Variants in PJVK observed in about 807,000 individuals in gnomAD.
The protein encoded by PJVK is pejvakin.
Under a neutral mutation model 37.6 loss-of-function variants are expected in PJVK, and 33 were observed. The ratio of observed to expected loss-of-function variants is 0.88; its 90% CI spans 0.67 to 1.17. PJVK has a LOEUF of 1.17. Ranked by LOEUF, PJVK falls within the 50% of genes most tolerant of loss-of-function variation. The probability of loss-of-function intolerance (pLI) is 0.00; values close to 1 mark genes in which losing one functional copy is unlikely to be tolerated. For missense variants in PJVK, 410 were observed against 413.8 expected (o/e 0.99, Z 0.08); for synonymous variants, 141 against 143.5 (o/e 0.98, Z 0.13).
At chr2:178,457,720 A>C (rs966431445) in intron 4 of PJVK, among the ~76,000 whole-genome samples, 15 of 152,302 alleles carry the variant, frequency 9.8e-5, no homozygotes, top group Admixed American at 8.5e-4. Flanking sequence ...CTTCGCGTCC[A>C]ACCAGCAGTT....
rs764639006 is a variant in PJVK at position 178,461,208 on chromosome 2, T to C, written c.993T>C (p.Asp331=). The change falls in exon 7 of 7, where the codon GAT becomes GAC. Residue 331 remains aspartate, a synonymous_variant. Transcript: ENST00000644580. ...TVYGCFQCSV[D]GQKYVRLHAV... is the part of the protein sequence containing the mutation. The stretch of plus-strand genomic sequence containing the variant: ...ATGGGTGCTTTCAGTGTTCTGTTGA[T>C]GGTCAGAAGTATGTGAGACTTCATG... 1 of 1,614,194 alleles carries C rather than the reference T, an allele frequency of 6.2e-7. No homozygotes were observed. The highest frequency in any genetic ancestry group is 1.1e-5 in the South Asian group (1 of 91,088).
intron 3 of PJVK, chr2:178,455,282 C>A: frequency 7.1e-7 from 1 of 1,416,170 alleles, no homozygotes; most frequent in Non-Finnish European, 1.0e-6. Flanking sequence ...CAGTGAGACT[C>A]ACATCATGGT....
At position 178,460,982 on chromosome 2, in the gene PJVK, A is replaced by G. The variant is rs1221620795; in HGVS notation, c.767A>G (p.Asn256Ser). The change falls in exon 7 of 7, where the codon AAT (asparagine) becomes AGT (serine). Residue 256 changes from asparagine to serine, a missense_variant and splice_region_variant. Coordinates refer to ENST00000644580, the MANE Select transcript of PJVK (RefSeq NM_001042702.5). ...YRLRNILFER[N>S]RRVMDVISRS... ...TTCTTTTCTGTTTTTGTCCTTTTAGATAGAAGAGTGATGGATGTCATTTCT... is the reference window on the plus strand; with the variant it reads ...TTCTTTTCTGTTTTTGTCCTTTTAGGTAGAAGAGTGATGGATGTCATTTCT... 6.2e-7 allele frequency: 1 copy of G among 1,611,862 alleles called. No homozygotes were observed. Among genetic ancestry groups the G allele is most frequent in the Non-Finnish European group, 8.5e-7 (1 of 1,179,110 alleles).
In PJVK at chr2:178,461,008, C is replaced by T. The variant is rs17304212; in HGVS notation, c.793C>T (p.Arg265Cys). Residue 265 changes from arginine (R) to cysteine (C), a missense_variant, in exon 7 of 7, where the codon CGT (arginine) becomes TGT (cysteine). Coordinates refer to ENST00000644580, the MANE Select transcript of PJVK (RefSeq NM_001042702.5). ...RNRRVMDVIS[R>C]SQLYLDDLFS... ...TAGAAGAGTGATGGATGTCATTTCT[C>T]GTTCACAGCTTTACTTGGATGATCT... 0.07 allele frequency: 112,541 copies of T among 1,613,510 alleles called. 4,575 individuals are homozygous for T. Among genetic ancestry groups the T allele is most frequent in the Non-Finnish European group, 0.082 (96,295 of 1,179,678 alleles).
rs1490123200 is a variant in PJVK, at chr2:178,451,665, C to T, written c.-127C>T. The T allele has an allele frequency of 1.9e-6, 1 of 520,602 alleles. No individual in the cohort carries two copies. The highest frequency in any genetic ancestry group is 2.5e-6 in the Non-Finnish European group (1 of 405,288). The allele number at this position is 520,602 out of a possible 1,614,324, so 32.2% of individuals were successfully genotyped here. ...GGCTGCGGTGCGCTCTTCGGGTCCC[C>T]GAGCCCTGTGTTTAGGAACACGCGG... On this transcript the variant is annotated 5_prime_UTR_variant, in exon 1 of 7. Transcript: ENST00000644580.
chr2:178,452,122 GTC>G (rs1480015749), intron 1 of PJVK, among the ~76,000 whole-genome samples: 1 of 151,958 alleles, frequency 6.6e-6, no homozygotes, highest in African/African-American at 2.4e-5. Context: ...GTGAAACCCT[GTC>G]TCTACTAAAA....
At chr2:178,453,715 T>C in intron 2 of PJVK, 95 bp downstream of exon 2, 1 of 1,050,890 alleles carries the variant, frequency 9.5e-7, no homozygotes, top group African/African-American at 1.6e-5. Context: ...GTAATACACA[T>C]TTTCAATGAT....
chr2:178,461,022 C>A lies in PJVK; in HGVS notation c.807C>A (p.Tyr269Ter). ...VMDVISRSQLYLDDLFSDYYD... is the reference protein window; with the variant it reads ...VMDVISRSQL ...ATGTCATTTCTCGTTCACAGCTTTA[C>A]TTGGATGATCTTTTTTCTGACTACT... The change falls in exon 7 of 7, where the codon TAC becomes TAA. Residue 269 changes from tyrosine (Y) to a stop codon, truncating the protein, a stop_gained. Coordinates refer to ENST00000644580, the MANE Select transcript of PJVK (RefSeq NM_001042702.5). LOFTEE classifies it high-confidence loss of function. 6.2e-7 allele frequency: 1 copy of A among 1,613,998 alleles called. No individual in the cohort carries two copies.
chr2:178,452,122 G>A (rs1697710001), intron 1 of PJVK, among the ~76,000 whole-genome samples: 1 of 151,958 alleles, frequency 6.6e-6, no homozygotes, highest in Non-Finnish European at 1.5e-5. Flanking sequence ...GTGAAACCCT[G>A]TCTCTACTAA....
At position 178,454,729 on chromosome 2, in the gene PJVK, C is replaced by T. The variant is rs1433653735; in HGVS notation, c.407+202C>T. On this transcript the variant is annotated intron_variant, in intron 3 of 6. Coordinates refer to ENST00000644580, the MANE Select transcript of PJVK (RefSeq NM_001042702.5). ...ATCACTTGGCTGAAGTCAGAGACCTCAGGGCCCCAGATCAAGGAGCTAACT... is the reference window on the plus strand; with the variant it reads ...ATCACTTGGCTGAAGTCAGAGACCTTAGGGCCCCAGATCAAGGAGCTAACT... 23 of 1,562,430 alleles carry T rather than the reference C, an allele frequency of 1.5e-5. No homozygotes were observed. The South Asian group carries it at 2.6e-4, about 17-fold the overall frequency.
intron 4 of PJVK, among the ~76,000 whole-genome samples, chr2:178,456,508 G>A (rs1371433037): frequency 1.3e-5 from 2 of 152,172 alleles, no homozygotes; most frequent in African/African-American, 2.4e-5. Flanking sequence ...GCTCACGCCT[G>A]TAATCCTAGC....
intron 4 of PJVK, 161 bp downstream of exon 4, chr2:178,456,312 G>GAA (rs80082011): frequency 6.6e-4 from 433 of 652,204 alleles, no homozygotes; most frequent in East Asian, 3.6e-3. Flanking sequence ...TCTAGAATAT[G>GAA]AAAAAAAAAA....
intron 1 of PJVK, 44 bp from the exon 2 acceptor site, chr2:178,453,344 G>A: frequency 2.0e-6 from 3 of 1,511,564 alleles, no homozygotes; most frequent in Non-Finnish European, 2.8e-6. Context: ...TTAATTTTGT[G>A]CCTGATTTTC....
rs1697652179 is a variant in PJVK at position 178,451,421 on chromosome 2, C to T, written c.-371C>T. ...GGCCCCTAGGCCGCAGTTCTTTGTCCTTAGCAGGAGGCCGTTTCTTGCCGG... is the reference window on the plus strand; with the variant it reads ...GGCCCCTAGGCCGCAGTTCTTTGTCTTTAGCAGGAGGCCGTTTCTTGCCGG... On this transcript the variant is annotated 5_prime_UTR_variant, in exon 1 of 7. Transcript: ENST00000644580. 8.4e-6 allele frequency: 2 copies of T among 237,892 alleles called. No homozygotes were observed. Among genetic ancestry groups the T allele is most frequent in the South Asian group, 6.5e-5 (1 of 15,434 alleles). The allele number at this position is 237,892 out of a possible 1,614,324, so 14.7% of individuals were successfully genotyped here. A position where few individuals can be genotyped will look rare whatever the true frequency, so the allele number is the denominator to read the frequency against.
chr2:178,451,819 G>A, intron 1 of PJVK, 50 bp downstream of exon 1: 1 of 985,448 alleles, frequency 1.0e-6, no homozygotes, highest in East Asian at 1.1e-4. Context: ...GGCCTTTCCG[G>A]GGACCTGGGT....
intron 4 of PJVK, among the ~76,000 whole-genome samples, chr2:178,457,405 C>T (rs1684182949): frequency 6.6e-6 from 1 of 152,124 alleles, no homozygotes. Flanking sequence ...AGCTTGGGAC[C>T]AGGAGTTCAA....
At chr2:178,454,832 T>C (rs1205639841) in intron 3 of PJVK, 2 of 1,239,458 alleles carry the variant, frequency 1.6e-6, no homozygotes, top group African/African-American at 3.0e-5. Flanking sequence ...AGATCAAGAA[T>C]GGCAGCCTTG....
intron 3 of PJVK, 42 bp downstream of exon 3, chr2:178,454,569 ATACTT>A (rs1458133375): frequency 6.3e-7 from 1 of 1,577,846 alleles, no homozygotes; most frequent in African/African-American, 1.4e-5. Flanking sequence ...TTTTCATTAA[ATACTT>A]TAGGTATATA....
At chr2:178,458,893 C>G (rs1460716487) in intron 5 of PJVK, among the ~76,000 whole-genome samples, 1 of 152,110 alleles carries the variant, frequency 6.6e-6, no homozygotes, top group African/African-American at 2.4e-5. Flanking sequence ...GCTAAAATGC[C>G]ATCTACTGAC....
Sources: allele counts gnomAD v4.1 joint callset (sites outside exome capture counted in the v4.1 genomes callset), GRCh38; gene constraint gnomAD v4.1.1; transcripts MANE v1.5; gene names NCBI Gene and HGNC (gene_info 2026-07-23, HGNC 2026-07-21).